Variants in LRRC4C observed in about 807,000 individuals in gnomAD.
LRRC4C encodes the protein leucine-rich repeat-containing protein 4C.
Under a neutral mutation model 33.6 loss-of-function variants are expected in LRRC4C, and 5 were observed. That is an observed-to-expected ratio of 0.15 (90% CI 0.08 to 0.31). LRRC4C has a LOEUF of 0.31. Ranked by LOEUF, LRRC4C falls within the 10% of genes least tolerant of loss-of-function variation. The probability of loss-of-function intolerance (pLI) is 1.00; values close to 1 mark genes in which losing one functional copy is unlikely to be tolerated. For synonymous variants in LRRC4C, 329 were observed against 302.0 expected, an observed-to-expected ratio of 1.09 and a Z score of -0.93; for missense variants, 560 against 796.7, an observed-to-expected ratio of 0.70 and a Z score of 3.58.
At chr11:40,453,417 C>T (rs1040887415) in intron 3 of LRRC4C, among the ~76,000 whole-genome samples, 5 of 151,858 alleles carry the variant, frequency 3.3e-5, no homozygotes, top group African/African-American at 1.2e-4. Flanking sequence ...TAAAACTTCC[C>T]GTGAAGAAAA....
intron 4 of LRRC4C, among the ~76,000 whole-genome samples, chr11:40,272,913 T>C (rs1051320952): frequency 6.6e-6 from 1 of 152,040 alleles, no homozygotes; most frequent in African/African-American, 2.4e-5. Flanking sequence ...TCAACCACAT[T>C]TTAAAGCCAT....
chr11:40,266,961 C>CCACA (rs1333299751), intron 4 of LRRC4C, among the ~76,000 whole-genome samples: 3 of 132,144 alleles, frequency 2.3e-5, no homozygotes, highest in African/African-American at 5.5e-5. Context: ...ACCCACCCAC[C>CCACA]CACACACACA....
chr11:40,454,747 C>T lies in LRRC4C; in HGVS notation c.-269-135026G>A, dbSNP rs530019185. ...GCTCAATGTAATGAAGTAAATATTT[C>T]TCATTTACTTTTTCAGGTATACATC... On this transcript the variant is annotated intron_variant, in intron 3 of 6. Coordinates refer to ENST00000528697, the MANE Select transcript of LRRC4C (RefSeq NM_001258419.2). Among the ~76,000 whole-genome samples, 13 of 152,272 alleles carry T rather than the reference C, an allele frequency of 8.5e-5. No individual in the cohort carries two copies. In the South Asian group the frequency reaches 2.7e-3, roughly 32 times the overall value.
chr11:40,712,841 C>T (rs1237991761), intron 2 of LRRC4C, among the ~76,000 whole-genome samples: 2 of 151,710 alleles, frequency 1.3e-5, no homozygotes, highest in Non-Finnish European at 2.9e-5. Context: ...ATATTTATTT[C>T]AATAGATCGT....
At chr11:40,889,238 T>C (rs982498003) in intron 2 of LRRC4C, among the ~76,000 whole-genome samples, 2 of 152,112 alleles carry the variant, frequency 1.3e-5, no homozygotes, top group African/African-American at 4.8e-5. Context: ...AGCTAGGTTT[T>C]GTGAAAGCAA....
chr11:40,941,231 C>A (rs530004250), intron 1 of LRRC4C, among the ~76,000 whole-genome samples: 78 of 152,140 alleles, frequency 5.1e-4, no homozygotes, highest in Non-Finnish European at 1.0e-3. Context: ...TATTACTATG[C>A]AGATTAAAAC....
chr11:40,816,822 G>GT (rs1565095866), intron 2 of LRRC4C, among the ~76,000 whole-genome samples: 1 of 152,072 alleles, frequency 6.6e-6, no homozygotes, highest in Non-Finnish European at 1.5e-5. Context: ...GTATTTTGAT[G>GT]TTTTTTAATC....
rs567202108 is a variant in LRRC4C, at chr11:40,893,083, C to T, written c.-407+40552G>A. 1.8e-4 allele frequency among the ~76,000 whole-genome samples: 28 copies of T among 151,664 alleles called. No individual in the cohort carries two copies. The East Asian group carries it at 4.7e-3, about 25-fold the overall frequency. On this transcript the variant is annotated intron_variant, in intron 2 of 6. Transcript: ENST00000528697. ...ATCCTGTCACTTACAGCAATATGAACGGGACTGAAGGACATTATGTTAAAT... is the reference window on the plus strand; with the variant it reads ...ATCCTGTCACTTACAGCAATATGAATGGGACTGAAGGACATTATGTTAAAT...
intron 2 of LRRC4C, among the ~76,000 whole-genome samples, chr11:40,727,361 A>G (rs1947334669): frequency 6.6e-6 from 1 of 152,206 alleles, no homozygotes; most frequent in African/African-American, 2.4e-5. Context: ...CTGGCTAGCC[A>G]TATGCAGAAG....
intron 2 of LRRC4C, among the ~76,000 whole-genome samples, chr11:40,857,312 G>C (rs559708907): frequency 6.6e-6 from 1 of 152,214 alleles, no homozygotes; most frequent in Non-Finnish European, 1.5e-5. Flanking sequence ...TAGGTATTAA[G>C]CCCTGCATGC....
chr11:40,163,291 G>A (rs1859316171), intron 5 of LRRC4C, among the ~76,000 whole-genome samples: 1 of 152,144 alleles, frequency 6.6e-6, no homozygotes, highest in African/African-American at 2.4e-5. Context: ...TATCTTGAAG[G>A]TTTGATCTTA....
In LRRC4C at chr11:40,521,511, G is replaced by A. The variant is rs115244827; in HGVS notation, c.-270+126631C>T. Among the ~76,000 whole-genome samples, 549 of 152,040 alleles carry A rather than the reference G, an allele frequency of 3.6e-3. 2 individuals are homozygous for A. The highest frequency in any genetic ancestry group is 6.0e-3 in the Non-Finnish European group (407 of 67,998). ...CAAATATGTATTGAATTCATATTACGTGACAAACAATGAGAAATGCACAGA... is the reference window on the plus strand; with the variant it reads ...CAAATATGTATTGAATTCATATTACATGACAAACAATGAGAAATGCACAGA... On this transcript the variant is annotated intron_variant, in intron 3 of 6. Coordinates refer to ENST00000528697, the MANE Select transcript of LRRC4C (RefSeq NM_001258419.2).
chr11:41,435,479 A>G (rs1955394281), intron 1 of LRRC4C, among the ~76,000 whole-genome samples: 1 of 152,188 alleles, frequency 6.6e-6, no homozygotes, highest in Admixed American at 6.5e-5. Flanking sequence ...TTGGTTTCTC[A>G]ATGTGAATTT....
intron 3 of LRRC4C, among the ~76,000 whole-genome samples, chr11:40,546,450 G>C (rs551460831): frequency 1.6e-4 from 24 of 152,096 alleles, no homozygotes; most frequent in African/African-American, 4.8e-4. Context: ...GCCACATTGG[G>C]ATCAATTTTA....
intron 1 of LRRC4C, among the ~76,000 whole-genome samples, chr11:41,057,071 C>G (rs7103962): frequency 2.0e-5 from 3 of 152,034 alleles, no homozygotes; most frequent in Admixed American, 1.3e-4. Flanking sequence ...TGCAGCTGCT[C>G]GAATCATGGC....
intron 3 of LRRC4C, among the ~76,000 whole-genome samples, chr11:40,437,899 G>T (rs965495687): frequency 6.6e-6 from 1 of 152,134 alleles, no homozygotes. Flanking sequence ...GTAGAGATGG[G>T]GTTTCACCAT....
intron 1 of LRRC4C, among the ~76,000 whole-genome samples, chr11:40,978,644 T>C (rs1480631682): frequency 1.3e-5 from 2 of 150,016 alleles, no homozygotes; most frequent in Non-Finnish European, 3.0e-5. Context: ...TTTTTTGATA[T>C]GGAGTCTCGC....
downstream of LRRC4C, chr11:40,114,207 G>T: frequency 1.3e-6 from 1 of 797,110 alleles, no homozygotes; most frequent in Non-Finnish European, 1.9e-6. Flanking sequence ...AATTTTGTCT[G>T]CTTTAGATCA....
At chr11:41,282,137 G>A (rs931353027) in intron 1 of LRRC4C, among the ~76,000 whole-genome samples, 3 of 152,176 alleles carry the variant, frequency 2.0e-5, no homozygotes, top group African/African-American at 4.8e-5. Flanking sequence ...AAATGTAAGG[G>A]GATTGACAAA....
Sources: gnomAD v4.1 joint callset for allele counts (sites outside exome capture counted in the v4.1 genomes callset) on GRCh38, gnomAD v4.1.1 for gene constraint, MANE v1.5 for transcripts, NCBI Gene and HGNC (gene_info 2026-07-23, HGNC 2026-07-21) for gene names.